The following BAZ1A variants were observed in gnomAD, a reference collection of about 807,000 sequenced individuals.
The protein encoded by BAZ1A is bromodomain adjacent to zinc finger domain 1A.
A neutral mutation model predicts 185.2 loss-of-function variants in BAZ1A; 50 were observed. That is an observed-to-expected ratio of 0.27 (90% CI 0.22 to 0.34). The LOEUF (loss-of-function observed/expected upper bound fraction) is 0.34. Among genes scored for constraint, BAZ1A ranks in the 10% least tolerant of loss-of-function variants. The pLI is 1.00. For synonymous variants in BAZ1A, 571 were observed against 615.6 expected, an observed-to-expected ratio of 0.93 and a Z score of 1.07; for missense variants, 1,356 against 1,839.9, an observed-to-expected ratio of 0.74 and a Z score of 4.81.
At chr14:34,779,175 T>C (rs897085543) in intron 17 of BAZ1A, among the ~76,000 whole-genome samples, 7 of 152,176 alleles carry the variant, frequency 4.6e-5, no homozygotes, top group African/African-American at 1.7e-4. Flanking sequence ...TTTCTATTAA[T>C]TTCTACTCTA....
intron 5 of BAZ1A, among the ~76,000 whole-genome samples, chr14:34,808,435 G>T (rs1249063216): frequency 2.6e-5 from 4 of 151,958 alleles, no homozygotes; most frequent in African/African-American, 9.7e-5. Flanking sequence ...GAGGCCGAGG[G>T]TGCAGTGAGC....
intron 6 of BAZ1A, among the ~76,000 whole-genome samples, 164 bp downstream of exon 6, chr14:34,807,287 T>C (rs1480366445): frequency 1.3e-5 from 2 of 151,808 alleles, no homozygotes; most frequent in Non-Finnish European, 2.9e-5. Flanking sequence ...ATTTTAGAAA[T>C]AGTAATTAAT....
At chr14:34,844,569 G>A (rs1657703600) in intron 3 of BAZ1A, among the ~76,000 whole-genome samples, 1 of 151,562 alleles carries the variant, frequency 6.6e-6, no homozygotes, top group African/African-American at 2.4e-5. Context: ...GTGAGCCCAG[G>A]AGTTTGAGAC....
chr14:34,784,765 G>A (rs548781266), intron 14 of BAZ1A, among the ~76,000 whole-genome samples: 22 of 152,006 alleles, frequency 1.4e-4, no homozygotes, highest in Non-Finnish European at 2.2e-4. Context: ...TGATCTGCCC[G>A]CCTCAGCCTC....
intron 3 of BAZ1A, among the ~76,000 whole-genome samples, chr14:34,841,494 C>T (rs1190077649): frequency 1.3e-5 from 2 of 152,058 alleles, no homozygotes; most frequent in Admixed American, 1.3e-4. Context: ...TGGGTTCAAG[C>T]GATTCCCACC....
intron 4 of BAZ1A, chr14:34,816,723 G>A (rs1566577502): frequency 9.7e-6 from 3 of 309,670 alleles, no homozygotes; most frequent in South Asian, 5.2e-5. Context: ...ACCTATACCT[G>A]GCACATCTGG....
intron 3 of BAZ1A, among the ~76,000 whole-genome samples, chr14:34,854,370 C>T (rs771525389): frequency 4.6e-5 from 7 of 151,514 alleles, no homozygotes; most frequent in Non-Finnish European, 8.8e-5. Flanking sequence ...TGCAGTGAGC[C>T]GAGGTCACGC....
rs1886080210 is a variant in BAZ1A at position 34,753,021 on chromosome 14, T to A, written c.*487A>T. 6.5e-6 allele frequency: 1 copy of A among 152,886 alleles called. No individual in the cohort carries two copies. Among genetic ancestry groups the A allele is most frequent in the Non-Finnish European group, 1.5e-5 (1 of 68,200 alleles). 9.5% of individuals were successfully genotyped at this position (152,886 alleles called of 1,614,324 possible). A position where few individuals can be genotyped will look rare whatever the true frequency, so the allele number is the denominator to read the frequency against. ...ACTTAATACCTGCAGCCAGCACTGG[T>A]ACAGCACTTCAAGGTTATAAGATTG... On this transcript the variant is annotated 3_prime_UTR_variant, in exon 27 of 27. Transcript: ENST00000360310.
intron 3 of BAZ1A, among the ~76,000 whole-genome samples, chr14:34,850,198 C>T (rs1053425931): frequency 6.6e-6 from 1 of 151,998 alleles, no homozygotes; most frequent in African/African-American, 2.4e-5. Context: ...GGCGACATGG[C>T]GATACCCCAT....
At chr14:34,824,424 AAAAG>A (rs1410266907) in intron 4 of BAZ1A, among the ~76,000 whole-genome samples, 1 of 149,658 alleles carries the variant, frequency 6.7e-6, no homozygotes, top group Non-Finnish European at 1.5e-5. Context: ...AAAAAAAAAA[AAAAG>A]AAGAGATGTA....
At chr14:34,763,443 G>C (rs1002630946) in intron 23 of BAZ1A, among the ~76,000 whole-genome samples, 4 of 151,602 alleles carry the variant, frequency 2.6e-5, no homozygotes, top group Non-Finnish European at 5.9e-5. Flanking sequence ...AAAAAGCCGG[G>C]GGGAGGGGGA....
chr14:34,753,700 C>A lies in BAZ1A; in HGVS notation c.4479G>T (p.Glu1493Asp), dbSNP rs1252353301. ...ACATTAACTCAATGTCATCAATAAACTCAGCTAGAAAGGGAAAGAGACAAA... is the reference window on the plus strand; with the variant it reads ...ACATTAACTCAATGTCATCAATAAAATCAGCTAGAAAGGGAAAGAGACAAA... ...VNKCEYKLAS[E>D]FIDDIELMFS... is the part of the protein sequence containing the mutation. Residue 1493 changes from glutamate to aspartate, a missense_variant, in exon 27 of 27, where the codon GAG becomes GAT. By Grantham distance (45) the Glu-to-Asp change is conservative. This residue lies in a region of BAZ1A where 61 missense variants were observed against 117.9 expected (regional missense o/e 0.52). Coordinates refer to ENST00000360310, the MANE Select transcript of BAZ1A (RefSeq NM_013448.3). 1 of 1,574,100 alleles carries A rather than the reference C, an allele frequency of 6.4e-7. No individual in the cohort carries two copies. Among genetic ancestry groups the A allele is most frequent in the Non-Finnish European group, 8.7e-7 (1 of 1,152,448 alleles).
chr14:34,824,499 A>G (rs1014174689), intron 4 of BAZ1A, among the ~76,000 whole-genome samples: 1 of 150,238 alleles, frequency 6.7e-6, no homozygotes, highest in African/African-American at 2.4e-5. Context: ...TTATTCTGTC[A>G]GGCAATGTGC....
intron 3 of BAZ1A, among the ~76,000 whole-genome samples, chr14:34,827,573 A>C (rs2042182035): frequency 6.6e-6 from 1 of 151,982 alleles, no homozygotes; most frequent in Non-Finnish European, 1.5e-5. Context: ...ATCTCTACTA[A>C]AAATACAAAA....
intron 4 of BAZ1A, among the ~76,000 whole-genome samples, chr14:34,823,590 A>G (rs1691659389): frequency 6.6e-6 from 1 of 151,936 alleles, no homozygotes; most frequent in Admixed American, 6.6e-5. Flanking sequence ...AACCCGAGAG[A>G]TGGGGGGTTC....
At chr14:34,867,941 A>G (rs28628142) in intron 2 of BAZ1A, among the ~76,000 whole-genome samples, 36,421 of 152,244 alleles carry the variant, frequency 0.24, 4,476 homozygotes, top group Middle Eastern at 0.32. Context: ...TACATTATTA[A>G]GAATGTAACT....
At chr14:34,771,999 G>C (rs902876783) in intron 20 of BAZ1A, among the ~76,000 whole-genome samples, 2 of 151,990 alleles carry the variant, frequency 1.3e-5, no homozygotes, top group Non-Finnish European at 2.9e-5. Context: ...CTGTTGCCCA[G>C]GCTGGAGTGC....
intron 3 of BAZ1A, among the ~76,000 whole-genome samples, chr14:34,852,676 C>A (rs1011828493): frequency 6.6e-6 from 1 of 152,110 alleles, no homozygotes; most frequent in South Asian, 2.1e-4. Flanking sequence ...ATTAATAAGA[C>A]ATCTACATGA....
intron 3 of BAZ1A, among the ~76,000 whole-genome samples, chr14:34,857,166 C>G (rs2042695615): frequency 4.0e-5 from 6 of 151,876 alleles, no homozygotes; most frequent in Admixed American, 3.9e-4. Flanking sequence ...GCCACTACGC[C>G]TGGCTAACTT....
Sources: allele counts gnomAD v4.1 joint callset (sites outside exome capture counted in the v4.1 genomes callset), GRCh38; gene constraint gnomAD v4.1.1; regional missense constraint gnomAD v4.1.1; transcripts MANE v1.5; gene names NCBI Gene and HGNC (gene_info 2026-07-23, HGNC 2026-07-21).